KAZN: variants seen among roughly 807,000 people sequenced by gnomAD.
KAZN encodes kazrin, periplakin interacting protein.
In KAZN, 40 loss-of-function variants were observed where a neutral mutation model predicts 87.4. The ratio of observed to expected loss-of-function variants is 0.46; its 90% CI spans 0.36 to 0.60. The LOEUF (loss-of-function observed/expected upper bound fraction) is 0.60. KAZN is among the 20% of genes least tolerant of loss of function. The pLI, the probability that KAZN is intolerant of heterozygous loss-of-function variation, is 0.00. For synonymous variants in KAZN, 466 were observed against 458.3 expected (o/e 1.02, Z -0.22); for missense variants, 898 against 1,073.9 (o/e 0.84, Z 2.29).
chr1:14,048,403 T>C (rs1642168718), intron 1 of KAZN, among the ~76,000 whole-genome samples: 2 of 151,790 alleles, frequency 1.3e-5, no homozygotes, highest in Non-Finnish European at 2.9e-5. Context: ...TTCTTTTTTT[T>C]TTTTTTTCCT....
intron 2 of KAZN, among the ~76,000 whole-genome samples, chr1:14,298,093 C>T (rs533364909): frequency 7.2e-5 from 11 of 152,172 alleles, no homozygotes; most frequent in Admixed American, 4.6e-4. Context: ...GGTGTGGTGG[C>T]GCATGTCTGT....
intron 2 of KAZN, among the ~76,000 whole-genome samples, chr1:14,555,796 A>T (rs1409534326): frequency 5.3e-5 from 8 of 152,234 alleles, no homozygotes; most frequent in Non-Finnish European, 1.0e-4. Context: ...AGTGCCCATC[A>T]GTGTTTGCTG....
At chr1:14,700,604 T>C (rs544096004) in intron 1 of KAZN, among the ~76,000 whole-genome samples, 13 of 152,310 alleles carry the variant, frequency 8.5e-5, no homozygotes, top group African/African-American at 2.9e-4. Context: ...AAACAAATAT[T>C]GTAGTGACAA....
chr1:14,393,529 T>A (rs754230541), intron 2 of KAZN, among the ~76,000 whole-genome samples: 5 of 152,122 alleles, frequency 3.3e-5, no homozygotes, highest in African/African-American at 4.8e-5. Flanking sequence ...AAATACACGC[T>A]TTGTAGAATA....
intron 1 of KAZN, among the ~76,000 whole-genome samples, chr1:14,727,473 TTTTTTTTTTTTTTTTTTTTTTTTG>T (rs1643449720): frequency 1.2e-5 from 1 of 85,384 alleles, no homozygotes; most frequent in Admixed American, 1.1e-4. Context: ...TTTTTTTTTT[TTTTTTTTTTTTTTTTTTTTTTTTG>T]AGAAAGAGTT....
chr1:14,310,815 G>T (rs1273498032), intron 2 of KAZN, among the ~76,000 whole-genome samples: 2 of 152,204 alleles, frequency 1.3e-5, no homozygotes, highest in Admixed American at 6.5e-5. Context: ...CTTTCCAAAG[G>T]ATGCATCACA....
chr1:14,956,048 A>G (rs1663053582), intron 1 of KAZN, among the ~76,000 whole-genome samples: 1 of 152,206 alleles, frequency 6.6e-6, no homozygotes, highest in Non-Finnish European at 1.5e-5. Context: ...CTGTGCGTCT[A>G]GGGGTGTTTG....
At chr1:14,851,214 G>T (rs78593891) in intron 1 of KAZN, among the ~76,000 whole-genome samples, 2 of 152,152 alleles carry the variant, frequency 1.3e-5, no homozygotes, top group African/African-American at 2.4e-5. Context: ...AGCCATCTAG[G>T]TGGGTCCCTG....
chr1:14,419,431 T>C (rs1361235423), intron 2 of KAZN, among the ~76,000 whole-genome samples: 1 of 152,188 alleles, frequency 6.6e-6, no homozygotes, highest in East Asian at 1.9e-4. Context: ...AGAACATGAG[T>C]GCCCAAAGCC....
chr1:14,270,256 G>A (rs1050610647), intron 2 of KAZN, among the ~76,000 whole-genome samples: 1 of 152,234 alleles, frequency 6.6e-6, no homozygotes, highest in Non-Finnish European at 1.5e-5. Context: ...ATCTACGGCA[G>A]TGGGGCCAGC....
chr1:14,220,016 ATTTTCTTCC>A (rs1647058000), intron 2 of KAZN, among the ~76,000 whole-genome samples: 4 of 152,014 alleles, frequency 2.6e-5, no homozygotes, highest in Admixed American at 6.6e-5. Context: ...TCTAGAAATT[ATTTTCTTCC>A]TTTTCTTCTG....
chr1:14,040,742 G>A (rs1000365576), intron 1 of KAZN, among the ~76,000 whole-genome samples: 2 of 147,996 alleles, frequency 1.4e-5, no homozygotes, highest in Admixed American at 1.3e-4. Context: ...TCTAGCCTGG[G>A]AGACAGAGCG....
chr1:14,933,585 A>G (rs1336574766), intron 1 of KAZN, among the ~76,000 whole-genome samples: 1 of 146,848 alleles, frequency 6.8e-6, no homozygotes, highest in African/African-American at 2.8e-5. Context: ...ATCTTTTTCC[A>G]ATAATTAAAA....
chr1:14,754,145 C>A (rs1451334367), intron 1 of KAZN, among the ~76,000 whole-genome samples: 3 of 152,192 alleles, frequency 2.0e-5, no homozygotes, highest in South Asian at 4.1e-4. Context: ...ACCCCCTGAT[C>A]TGAGTGCTAA....
intron 2 of KAZN, among the ~76,000 whole-genome samples, chr1:14,581,194 C>A (rs903225725): frequency 6.6e-6 from 1 of 152,150 alleles, no homozygotes; most frequent in Non-Finnish European, 1.5e-5. Context: ...ATGTCTAACA[C>A]GCATCTCAAA....
intron 2 of KAZN, among the ~76,000 whole-genome samples, chr1:14,312,079 A>C (rs1655343016): frequency 6.6e-6 from 1 of 152,146 alleles, no homozygotes; most frequent in African/African-American, 2.4e-5. Flanking sequence ...GTGAAAAAAG[A>C]ACTGGTGGGA....
Position 14,773,183 on chromosome 1 carries a change from C to A in KAZN, c.226+173960C>A, listed in dbSNP as rs1281768576. Among the ~76,000 whole-genome samples the A allele has an allele frequency of 6.6e-6, 1 of 152,092 alleles. No homozygotes were observed. The highest frequency in any genetic ancestry group is 1.5e-5 in the Non-Finnish European group (1 of 68,016). On this transcript the variant is annotated intron_variant, in intron 1 of 14. Coordinates refer to ENST00000376030, the MANE Select transcript of KAZN (RefSeq NM_201628.3). This position sits in a 1 kb window ranked among gnomAD's most constrained non-coding sequence, Gnocchi z 5.9. ...TTAGAGGTGCCTGCTCCTTTTGGAG[C>A]CTTTCACAATTATCTTCAGGACAAA...
intron 1 of KAZN, among the ~76,000 whole-genome samples, chr1:14,021,953 CTTTTTTTTTT>C: frequency 8.8e-6 from 1 of 114,278 alleles, no homozygotes; most frequent in African/African-American, 3.3e-5. Flanking sequence ...AATGAACATG[CTTTTTTTTTT>C]TTTTTTTTTG....
rs936407547 is a variant in KAZN, at chr1:15,031,127, C to T, written c.419-3622C>T. On this transcript the variant is annotated intron_variant, in intron 2 of 14. Coordinates refer to ENST00000376030, the MANE Select transcript of KAZN (RefSeq NM_201628.3). ...TCATTGCCATCCCATATTCTGCCCT[C>T]AGCTAGCCTTGGGGCTGGGGACCCT... 5.9e-5 allele frequency among the ~76,000 whole-genome samples: 9 copies of T among 152,364 alleles called. No individual in the cohort carries two copies. In the East Asian group the frequency reaches 7.7e-4, roughly 13 times the overall value.
Sources: allele counts gnomAD v4.1 joint callset (sites outside exome capture counted in the v4.1 genomes callset), GRCh38; gene constraint gnomAD v4.1.1; non-coding constraint Gnocchi (gnomAD v3.1); transcripts MANE v1.5; gene names NCBI Gene and HGNC (gene_info 2026-07-23, HGNC 2026-07-21).